The following ZDHHC9 variants were observed in gnomAD, a reference collection of about 807,000 sequenced individuals.
ZDHHC9 encodes the protein palmitoyltransferase ZDHHC9.
In ZDHHC9, 3 loss-of-function variants were observed where a neutral mutation model predicts 26.6. The observed-to-expected ratio is 0.11, with a 90% CI of 0.05 to 0.29. The LOEUF is 0.29. ZDHHC9 is among the 10% of genes least tolerant of loss of function. The pLI, the probability that ZDHHC9 is intolerant of heterozygous loss-of-function variation, is 1.00. For missense variants in ZDHHC9, 146 were observed against 296.4 expected, an observed-to-expected ratio of 0.49 and a Z score of 3.73; for synonymous variants, 111 against 109.4, an observed-to-expected ratio of 1.01 and a Z score of -0.09.
intron 10 of ZDHHC9, among the ~76,000 whole-genome samples, chrX:129,807,319 G>A (rs1927541516): frequency 9.2e-6 from 1 of 108,582 alleles, no homozygotes; most frequent in Non-Finnish European, 1.9e-5. Context: ...GGTGGCGGGC[G>A]CCTGTAGTCC....
rs1440104996 is a variant in ZDHHC9 at position 129,806,072 on chromosome X, G to A, written c.*298C>T. On this transcript the variant is annotated 3_prime_UTR_variant, in exon 11 of 11. Transcript: ENST00000357166. ...AAGCAGGAGGGCTGGGATCTGGAGG[G>A]AAGAGAGGGGGTCCAAGGGGACCCT... The A allele has an allele frequency of 6.3e-6, 2 of 318,227 alleles. No individual in the cohort carries two copies. The highest frequency in any genetic ancestry group is 1.1e-5 in the Non-Finnish European group (2 of 178,296). The allele number at this position is 318,227 out of a possible 1,213,427, so 26.2% of individuals were successfully genotyped here.
intron 8 of ZDHHC9, 39 bp downstream of exon 8, chrX:129,812,676 GGAA>G: frequency 9.1e-7 from 1 of 1,095,266 alleles, no homozygotes; most frequent in Non-Finnish European, 1.3e-6. Flanking sequence ...ATAGGCTTTG[GGAA>G]GAAGAATATG....
At chrX:129,814,164 C>A (rs1927706496) in intron 6 of ZDHHC9, among the ~76,000 whole-genome samples, 1 of 112,208 alleles carries the variant, frequency 8.9e-6, no homozygotes, top group Non-Finnish European at 1.9e-5. Flanking sequence ...CACATCACAT[C>A]TGCTCTTAGA....
intron 3 of ZDHHC9, among the ~76,000 whole-genome samples, chrX:129,832,367 G>A (rs1033568800): frequency 9.0e-6 from 1 of 111,201 alleles, no homozygotes; most frequent in Non-Finnish European, 1.9e-5. Flanking sequence ...GATTAGATCA[G>A]CCAGGCACAG....
intron 5 of ZDHHC9, 183 bp downstream of exon 5, chrX:129,823,496 T>C (rs1927937873): frequency 2.1e-6 from 1 of 469,706 alleles, no homozygotes; most frequent in Admixed American, 3.7e-5. Context: ...TTTGATTTGA[T>C]CTACACAAGT....
chrX:129,811,130 A>G, intron 9 of ZDHHC9, 129 bp from the exon 10 acceptor site: 1 of 557,335 alleles, frequency 1.8e-6, no homozygotes, highest in East Asian at 3.5e-5. Flanking sequence ...AACACAGCAC[A>G]TGCCTCTTAT....
rs764184460 is a variant in ZDHHC9, at chrX:129,806,486, C to T, written c.979G>A (p.Ala327Thr). The change falls in exon 11 of 11, where the codon GCC (alanine) becomes ACC (threonine). Residue 327 changes from alanine (A) to threonine (T), a missense_variant and splice_region_variant. Ala to Thr is a moderately conservative substitution (Grantham distance 58). Coordinates refer to ENST00000357166, the MANE Select transcript of ZDHHC9 (RefSeq NM_016032.4). The part of the protein sequence containing the change: ...TSSSLLPQSP[A>T]PTEHLNSNEM... ...TTTGAGTTCAGGTGTTCTGTGGGGG[C>T]CTGAGAAGGAAAAGATATGAGATTC... 1.7e-6 allele frequency: 2 copies of T among 1,204,207 alleles called. No individual in the cohort carries two copies. Among genetic ancestry groups the T allele is most frequent in the Admixed American group, 4.4e-5 (2 of 45,905 alleles).
intron 4 of ZDHHC9, among the ~76,000 whole-genome samples, chrX:129,826,668 C>T (rs1442209240): frequency 9.0e-6 from 1 of 111,286 alleles, no homozygotes; most frequent in Non-Finnish European, 1.9e-5. Flanking sequence ...TCTTCCTCAC[C>T]ATCTTGCTCC....
chrX:129,829,449 TCA>T (rs1199532328), intron 3 of ZDHHC9, among the ~76,000 whole-genome samples: 2 of 111,859 alleles, frequency 1.8e-5, no homozygotes, highest in African/African-American at 6.5e-5. Context: ...CAGGAAAGGT[TCA>T]CACCTGCTAA....
chrX:129,839,673 A>T (rs1301018672), intron 3 of ZDHHC9, among the ~76,000 whole-genome samples: 1 of 111,396 alleles, frequency 9.0e-6, no homozygotes, highest in East Asian at 2.8e-4. Context: ...CTGGCTAGGC[A>T]CAAGGCAGCC....
chrX:129,841,745 C>T (rs1389933055), intron 3 of ZDHHC9, 34 bp downstream of exon 3: 8 of 1,210,440 alleles, frequency 6.6e-6, no homozygotes, highest in African/African-American at 1.7e-5. Context: ...CCAAAGTAAC[C>T]ATAATCAGGT....
chrX:129,827,150 C>T (rs1195737048), intron 4 of ZDHHC9, among the ~76,000 whole-genome samples: 1 of 107,304 alleles, frequency 9.3e-6, no homozygotes, highest in African/African-American at 3.4e-5. Flanking sequence ...GCTGAGATCA[C>T]GCCACTGCAC....
At chrX:129,839,373 G>A (rs996682398) in intron 3 of ZDHHC9, among the ~76,000 whole-genome samples, 3 of 110,014 alleles carry the variant, frequency 2.7e-5, no homozygotes, top group African/African-American at 1.0e-4. Context: ...AGCCACACGG[G>A]GCTAATTTTT....
chrX:129,831,177 C>T (rs1199434982), intron 3 of ZDHHC9, among the ~76,000 whole-genome samples: 1 of 111,436 alleles, frequency 9.0e-6, no homozygotes, highest in African/African-American at 3.3e-5. Context: ...ATCACCTCCA[C>T]TTATCAGGAA....
intron 5 of ZDHHC9, among the ~76,000 whole-genome samples, chrX:129,819,106 G>A (rs1320331985): frequency 9.6e-6 from 1 of 104,165 alleles, no homozygotes; most frequent in Non-Finnish European, 1.9e-5. Flanking sequence ...CCAGGAGGCG[G>A]AGCTTGCAGT....
intron 3 of ZDHHC9, among the ~76,000 whole-genome samples, chrX:129,833,495 A>G (rs773023557): frequency 1.8e-5 from 2 of 112,287 alleles, no homozygotes; most frequent in South Asian, 7.3e-4. Flanking sequence ...ACAGAGAGCT[A>G]TGCCTTACGG....
intron 4 of ZDHHC9, among the ~76,000 whole-genome samples, 194 bp from the exon 5 acceptor site, chrX:129,824,031 GA>G (rs1927954870): frequency 9.0e-6 from 1 of 110,566 alleles, no homozygotes; most frequent in African/African-American, 3.3e-5. Context: ...GTATACATAA[GA>G]AAAAGTGTTT....
intron 3 of ZDHHC9, among the ~76,000 whole-genome samples, chrX:129,837,629 A>G (rs752886264): frequency 8.9e-6 from 1 of 112,401 alleles, no homozygotes; most frequent in Admixed American, 9.4e-5. Context: ...AACCTGACAG[A>G]ACCTGGTCTG....
In ZDHHC9 at chrX:129,841,746, A is replaced by G. The variant is rs2275604; in HGVS notation, c.167+33T>C. Reference sequence around the variant, plus strand: ...TTCTTCCCCTGGACCCAAAGTAACCATAATCAGGTAACTCTACTCAACCGA... The same window carrying G: ...TTCTTCCCCTGGACCCAAAGTAACCGTAATCAGGTAACTCTACTCAACCGA... On this transcript the variant is annotated intron_variant, in intron 3 of 10. Transcript: ENST00000357166. 7.7e-3 allele frequency: 9,243 copies of G among 1,207,575 alleles called. 155 individuals carry two copies. The highest frequency in any genetic ancestry group is 0.064 in the African/African-American group (3,670 of 57,112).
Sources: allele counts gnomAD v4.1 joint callset (sites outside exome capture counted in the v4.1 genomes callset), GRCh38; gene constraint gnomAD v4.1.1; transcripts MANE v1.5; gene names NCBI Gene and HGNC (gene_info 2026-07-23, HGNC 2026-07-21).